Variants in CD2AP observed in about 807,000 individuals in gnomAD.
CD2AP encodes the protein CD2 associated protein, also known as CD2-associated protein.
CD2AP carries 46 observed loss-of-function variants against 85.1 expected under a neutral mutation model. The observed-to-expected ratio is 0.54, with a 90% CI of 0.43 to 0.69. The LOEUF is 0.69. Among genes scored for constraint, CD2AP ranks in the 30% least tolerant of loss-of-function variants. The probability of loss-of-function intolerance (pLI) is 0.00; values close to 1 mark genes in which losing one functional copy is unlikely to be tolerated. For missense variants in CD2AP, 769 were observed against 729.5 expected (o/e 1.05, Z -0.62); for synonymous variants, 255 against 252.9 (o/e 1.01, Z -0.08).
In CD2AP at chr6:47,589,379, T is replaced by TATACACACACACACACAC. The variant is rs144886557; in HGVS notation, c.1109-6481_1109-6480insTACACACACACACACACA. Among the ~76,000 whole-genome samples the TATACACACACACACACAC allele has an allele frequency of 5.2e-3, 718 of 139,410 alleles. 6 individuals carry two copies. The highest frequency in any genetic ancestry group is 7.2e-3 in the Middle Eastern group (2 of 278). The allele number at this position is 139,410 out of a possible 152,430, so 91.5% of individuals were successfully genotyped here. ...TTTGATGACCAGGAACTCTTGAATA[T>TATACACACACACACACAC]ACACACACACACACAAATGTATATA... On this transcript the variant is annotated intron_variant, in intron 11 of 17. Coordinates refer to ENST00000359314, the MANE Select transcript of CD2AP (RefSeq NM_012120.3).
intron 11 of CD2AP, among the ~76,000 whole-genome samples, chr6:47,588,472 A>T (rs1312584245): frequency 6.6e-6 from 1 of 152,126 alleles, no homozygotes; most frequent in Non-Finnish European, 1.5e-5. Flanking sequence ...TGACGTGTTT[A>T]CATTTGTTTT....
chr6:47,480,140 A>G (rs1432256165), intron 1 of CD2AP, among the ~76,000 whole-genome samples: 1 of 152,094 alleles, frequency 6.6e-6, no homozygotes, highest in Non-Finnish European at 1.5e-5. Context: ...ACTACTTAGA[A>G]TGTGTTTTGA....
chr6:47,581,195 C>T (rs563304809), intron 10 of CD2AP, among the ~76,000 whole-genome samples: 1 of 152,068 alleles, frequency 6.6e-6, no homozygotes, highest in Admixed American at 6.5e-5. Context: ...ACCTGGCCAA[C>T]TAGTTATTCT....
rs1769273267 is a variant in CD2AP, at chr6:47,606,361, TA to T, written c.1530+86del. On this transcript the variant is annotated intron_variant, in intron 14 of 17. Coordinates refer to ENST00000359314, the MANE Select transcript of CD2AP (RefSeq NM_012120.3). ...AAGATAGAGGACTTATAGCTCTACCTAAGTTTGAAAATCAGGAGGATAGCTC... is the reference window on the plus strand; with the variant it reads ...AAGATAGAGGACTTATAGCTCTACCTAGTTTGAAAATCAGGAGGATAGCTC... 1.7e-5 allele frequency: 14 copies of T among 833,404 alleles called. No homozygotes were observed. In the Admixed American group the frequency reaches 2.5e-4, roughly 15 times the overall value. The allele number at this position is 833,404 out of a possible 1,614,324, so 51.6% of individuals were successfully genotyped here.
Position 47,576,418 on chromosome 6 carries a change from A to G in CD2AP, c.730-106A>G, listed in dbSNP as rs562513874. On this transcript the variant is annotated intron_variant, in intron 6 of 17. Coordinates refer to ENST00000359314, the MANE Select transcript of CD2AP (RefSeq NM_012120.3). The stretch of plus-strand genomic sequence containing the variant: ...TTTCAGTCACATTACTATCCTAGCT[A>G]TAAGTACCATTAGGGAAAGCTGGGT... 37 of 799,028 alleles carry G rather than the reference A, an allele frequency of 4.6e-5. 1 individual carries two copies. The highest frequency in any genetic ancestry group is 3.3e-4 in the Admixed American group (19 of 57,014). 49.5% of individuals were successfully genotyped at this position (799,028 alleles called of 1,614,324 possible).
At chr6:47,545,781 T>C (rs1582541663) in intron 4 of CD2AP, among the ~76,000 whole-genome samples, 2 of 152,162 alleles carry the variant, frequency 1.3e-5, no homozygotes, top group East Asian at 1.9e-4. Context: ...AGTTCAACTC[T>C]CAGGAAGCCA....
At chr6:47,503,807 A>AG (rs1223573080) in intron 2 of CD2AP, among the ~76,000 whole-genome samples, 1 of 152,236 alleles carries the variant, frequency 6.6e-6, no homozygotes, top group East Asian at 1.9e-4. Flanking sequence ...TAGTTATGAC[A>AG]GATAGTAGCC....
At chr6:47,579,575 T>C (rs1474858523) in intron 9 of CD2AP, 86 bp downstream of exon 9, 2 of 821,338 alleles carry the variant, frequency 2.4e-6, no homozygotes, top group Non-Finnish European at 4.1e-6. Context: ...TGCATTATTA[T>C]TGAATAATTT....
intron 5 of CD2AP, among the ~76,000 whole-genome samples, chr6:47,558,415 A>G (rs985221021): frequency 6.6e-6 from 1 of 152,186 alleles, no homozygotes; most frequent in Non-Finnish European, 1.5e-5. Flanking sequence ...TTCACAGGGA[A>G]TGCTTCCAAC....
chr6:47,573,646 G>A (rs973416728), intron 5 of CD2AP, among the ~76,000 whole-genome samples: 2 of 151,684 alleles, frequency 1.3e-5, no homozygotes, highest in Non-Finnish European at 2.9e-5. Flanking sequence ...CTGCCACCAT[G>A]CCCGGCTAAT....
intron 4 of CD2AP, among the ~76,000 whole-genome samples, chr6:47,554,295 G>C (rs1050346463): frequency 9.2e-5 from 14 of 152,088 alleles, no homozygotes; most frequent in Non-Finnish European, 1.9e-4. Context: ...TCAAGCCTTA[G>C]TAGTGTTTAC....
At chr6:47,572,939 A>G (rs1184373106) in intron 5 of CD2AP, among the ~76,000 whole-genome samples, 2 of 152,150 alleles carry the variant, frequency 1.3e-5, no homozygotes, top group African/African-American at 2.4e-5. Flanking sequence ...AGACTACCTT[A>G]GTTCAGTGAA....
At chr6:47,612,982 A>G (rs904031997) in intron 17 of CD2AP, among the ~76,000 whole-genome samples, 16 of 152,264 alleles carry the variant, frequency 1.1e-4, no homozygotes, top group South Asian at 6.2e-4. Context: ...TATTTCCACA[A>G]TATTCACAGG....
At chr6:47,541,174 A>T (rs536671437) in intron 3 of CD2AP, among the ~76,000 whole-genome samples, 1 of 152,144 alleles carries the variant, frequency 6.6e-6, no homozygotes, top group Non-Finnish European at 1.5e-5. Flanking sequence ...CCCAGGCTGG[A>T]GTGCAGTGGC....
chr6:47,478,319 G>T, intron 1 of CD2AP, 71 bp downstream of exon 1: 5 of 1,540,846 alleles, frequency 3.2e-6, no homozygotes, highest in Non-Finnish European at 4.4e-6. Context: ...CCCTTTCTCG[G>T]CCTTCTGGGG....
intron 11 of CD2AP, among the ~76,000 whole-genome samples, chr6:47,583,615 T>G (rs1768540081): frequency 6.6e-6 from 1 of 152,210 alleles, no homozygotes; most frequent in Admixed American, 6.5e-5. Context: ...GTTGTTAGCA[T>G]CAAATAATAT....
At chr6:47,592,345 A>G (rs1768824576) in intron 11 of CD2AP, among the ~76,000 whole-genome samples, 1 of 152,174 alleles carries the variant, frequency 6.6e-6, no homozygotes, top group South Asian at 2.1e-4. Flanking sequence ...AGCAAAAAGT[A>G]ACTGAAAATG....
At chr6:47,595,124 C>G (rs565091541) in intron 11 of CD2AP, among the ~76,000 whole-genome samples, 2 of 151,954 alleles carry the variant, frequency 1.3e-5, no homozygotes, top group Non-Finnish European at 2.9e-5. Flanking sequence ...CCTGAAAGAT[C>G]AGGAAGCAGG....
rs1164130467 is a variant in CD2AP, at chr6:47,582,103, T to A, written c.1108+38T>A. The A allele has an allele frequency of 4.2e-6, 5 of 1,182,788 alleles. No individual in the cohort carries two copies. The Admixed American group carries it at 5.0e-5, about 12-fold the overall frequency. 73.3% of individuals were successfully genotyped at this position (1,182,788 alleles called of 1,614,324 possible). On this transcript the variant is annotated intron_variant, in intron 11 of 17. Coordinates refer to ENST00000359314, the MANE Select transcript of CD2AP (RefSeq NM_012120.3). ...TTCAACTTTCAAAAAAGCAATTATT[T>A]CTTTTATTGTCATTTTAAAGAGAAT... is the stretch of plus-strand genomic sequence containing the variant.
Sources: gnomAD v4.1 joint callset for allele counts (sites outside exome capture counted in the v4.1 genomes callset) on GRCh38, gnomAD v4.1.1 for gene constraint, MANE v1.5 for transcripts, NCBI Gene and HGNC (gene_info 2026-07-23, HGNC 2026-07-21) for gene names.